Variants in GSK3B observed in about 807,000 individuals in gnomAD.
The protein encoded by GSK3B is glycogen synthase kinase-3 beta.
Under a neutral mutation model 56.4 loss-of-function variants are expected in GSK3B, and 15 were observed. The observed-to-expected ratio is 0.27, with a 90% CI of 0.18 to 0.41. The LOEUF (loss-of-function observed/expected upper bound fraction) is 0.41, where lower values mean the gene tolerates loss of function less well. GSK3B is among the 10% of genes least tolerant of loss of function. The pLI, the probability that GSK3B is intolerant of heterozygous loss-of-function variation, is 1.00. For synonymous variants in GSK3B, 181 were observed against 188.9 expected (o/e 0.96, Z 0.34); for missense variants, 300 against 513.4 (o/e 0.58, Z 4.02).
At chr3:119,967,760 C>CCTTTT (rs765333780) in intron 2 of GSK3B, among the ~76,000 whole-genome samples, 7 of 151,304 alleles carry the variant, frequency 4.6e-5, no homozygotes, top group Non-Finnish European at 7.4e-5. Context: ...CCCCTCCCCT[C>CCTTTT]CTTTTCTTTT....
intron 3 of GSK3B, among the ~76,000 whole-genome samples, chr3:119,941,888 A>T (rs2057052926): frequency 6.6e-6 from 1 of 152,220 alleles, no homozygotes; most frequent in Non-Finnish European, 1.5e-5. Flanking sequence ...AAATATTTCT[A>T]GCTACAAAGC....
At chr3:119,849,234 C>T (rs972252249) in intron 9 of GSK3B, among the ~76,000 whole-genome samples, 1 of 152,158 alleles carries the variant, frequency 6.6e-6, no homozygotes. Flanking sequence ...ACCCACATAT[C>T]CATCCAACAA....
At chr3:120,008,689 C>G (rs139423885) in intron 1 of GSK3B, among the ~76,000 whole-genome samples, 398 of 152,264 alleles carry the variant, frequency 2.6e-3, no homozygotes, top group African/African-American at 8.5e-3. Flanking sequence ...CTTCCTTACA[C>G]CTTATAGAAA....
chr3:120,054,672 A>C (rs2058178822), intron 1 of GSK3B, among the ~76,000 whole-genome samples: 1 of 152,108 alleles, frequency 6.6e-6, no homozygotes, highest in African/African-American at 2.4e-5. Flanking sequence ...TTCTCAAAGG[A>C]TGATCTTAAG....
At chr3:120,078,074 G>A (rs1340015912) in intron 1 of GSK3B, among the ~76,000 whole-genome samples, 2 of 151,948 alleles carry the variant, frequency 1.3e-5, no homozygotes, top group Non-Finnish European at 2.9e-5. Flanking sequence ...TAAAATTCCG[G>A]CCATCATTAA....
At chr3:119,929,730 C>T (rs906644044) in intron 3 of GSK3B, among the ~76,000 whole-genome samples, 1 of 151,910 alleles carries the variant, frequency 6.6e-6, no homozygotes, top group Non-Finnish European at 1.5e-5. Flanking sequence ...TGGAGAAATC[C>T]CGTCTCTACT....
chr3:119,874,156 TAGAG>T (rs2056280161), intron 8 of GSK3B, among the ~76,000 whole-genome samples: 2 of 152,130 alleles, frequency 1.3e-5, no homozygotes, highest in African/African-American at 2.4e-5. Flanking sequence ...ATACTTGCGT[TAGAG>T]AGATATAATT....
chr3:119,930,775 T>G (rs925397974), intron 3 of GSK3B, among the ~76,000 whole-genome samples: 4 of 152,240 alleles, frequency 2.6e-5, no homozygotes, highest in African/African-American at 7.2e-5. Context: ...CATGCAACAT[T>G]AGGCTACAAA....
At chr3:119,986,876 A>G (rs1359984630) in intron 2 of GSK3B, among the ~76,000 whole-genome samples, 1 of 152,244 alleles carries the variant, frequency 6.6e-6, no homozygotes, top group Non-Finnish European at 1.5e-5. Context: ...ATAAAGACAC[A>G]TGCACACGTT....
At chr3:119,908,428 C>A (rs1251695105) in intron 6 of GSK3B, among the ~76,000 whole-genome samples, 1 of 152,180 alleles carries the variant, frequency 6.6e-6, no homozygotes, top group Non-Finnish European at 1.5e-5. Context: ...AAAAATGCCA[C>A]AAAAGAATAC....
intron 1 of GSK3B, among the ~76,000 whole-genome samples, chr3:120,015,213 A>T (rs1452954542): frequency 1.3e-5 from 2 of 152,306 alleles, no homozygotes; most frequent in Admixed American, 1.3e-4. Context: ...TGAACTTCAA[A>T]TTATTAGCAG....
chr3:120,055,045 T>C (rs1020179934), intron 1 of GSK3B, among the ~76,000 whole-genome samples: 1 of 152,144 alleles, frequency 6.6e-6, no homozygotes, highest in Non-Finnish European at 1.5e-5. Context: ...TTCAAATCAA[T>C]TCCCTTTCCT....
intron 2 of GSK3B, among the ~76,000 whole-genome samples, chr3:119,992,154 G>C (rs1389322408): frequency 6.6e-6 from 1 of 151,802 alleles, no homozygotes; most frequent in Non-Finnish European, 1.5e-5. Context: ...TGTAAAAATA[G>C]GTAGGAAAAC....
intron 2 of GSK3B, among the ~76,000 whole-genome samples, chr3:119,971,575 T>A (rs1387998282): frequency 6.6e-6 from 1 of 150,580 alleles, no homozygotes; most frequent in East Asian, 1.9e-4. Flanking sequence ...ATATAAAACA[T>A]ATTGATACTT....
chr3:120,005,943 A>C (rs1394327219), intron 1 of GSK3B, among the ~76,000 whole-genome samples: 3 of 152,224 alleles, frequency 2.0e-5, no homozygotes, highest in Non-Finnish European at 2.9e-5. Flanking sequence ...CCTTAAATGT[A>C]AATGGGCTAA....
chr3:119,831,889 T>C (rs969034305), intron 10 of GSK3B, among the ~76,000 whole-genome samples: 1 of 152,140 alleles, frequency 6.6e-6, no homozygotes, highest in East Asian at 1.9e-4. Flanking sequence ...AAACCAAGGA[T>C]GGACTTAAGA....
chr3:120,044,482 AG>A (rs1218188689), intron 1 of GSK3B, among the ~76,000 whole-genome samples: 5 of 151,198 alleles, frequency 3.3e-5, no homozygotes, highest in African/African-American at 4.8e-5. Flanking sequence ...CATCAAGCAG[AG>A]AAAAAAAAAA....
intron 2 of GSK3B, among the ~76,000 whole-genome samples, chr3:119,947,832 T>A: frequency 7.0e-6 from 1 of 142,092 alleles, no homozygotes; most frequent in Admixed American, 7.0e-5. Flanking sequence ...GCTCAGTTGC[T>A]AAGTTTTAGA....
intron 1 of GSK3B, among the ~76,000 whole-genome samples, chr3:120,058,316 T>A (rs957953285): frequency 5.9e-5 from 9 of 152,206 alleles, no homozygotes; most frequent in Non-Finnish European, 1.3e-4. Context: ...CAGTAATCAA[T>A]GTAAAACTTA....
Sources: gnomAD v4.1 joint callset for allele counts (sites outside exome capture counted in the v4.1 genomes callset) on GRCh38, gnomAD v4.1.1 for gene constraint, MANE v1.5 for transcripts, NCBI Gene and HGNC (gene_info 2026-07-23, HGNC 2026-07-21) for gene names.